Variants in LNX2 observed in about 807,000 individuals in gnomAD.
The protein encoded by LNX2 is ligand of numb-protein X 2, also known as ligand of Numb protein X 2.
In LNX2, 35 loss-of-function variants were observed where a neutral mutation model predicts 66.2. The observed-to-expected ratio is 0.53, with a 90% CI of 0.40 to 0.70. The LOEUF is 0.70. Ranked by LOEUF, LNX2 falls within the 30% of genes least tolerant of loss-of-function variation. LNX2 has a pLI of 0.00. For synonymous variants in LNX2, 337 were observed against 315.6 expected (o/e 1.07, Z -0.72); for missense variants, 791 against 850.8 (o/e 0.93, Z 0.87).
At chr13:27,585,462 A>T (rs1268209136) in intron 1 of LNX2, among the ~76,000 whole-genome samples, 2 of 151,554 alleles carry the variant, frequency 1.3e-5, no homozygotes, top group Non-Finnish European at 2.9e-5. Flanking sequence ...ATATATAAAA[A>T]TAATAAAAAA....
At chr13:27,583,131 T>C (rs1348150303) in intron 1 of LNX2, among the ~76,000 whole-genome samples, 1 of 151,144 alleles carries the variant, frequency 6.6e-6, no homozygotes, top group Non-Finnish European at 1.5e-5. Flanking sequence ...CCTCATAGTA[T>C]TCCATACTTC....
At chr13:27,603,018 T>C (rs1955675868) in intron 1 of LNX2, among the ~76,000 whole-genome samples, 1 of 152,176 alleles carries the variant, frequency 6.6e-6, no homozygotes, top group African/African-American at 2.4e-5. Flanking sequence ...TTTTTTCTAC[T>C]TTCAAGAAGT....
At chr13:27,584,897 CA>C (rs1321829831) in intron 1 of LNX2, among the ~76,000 whole-genome samples, 3 of 151,186 alleles carry the variant, frequency 2.0e-5, no homozygotes, top group Admixed American at 6.6e-5. Context: ...GCAGGTAGAT[CA>C]ACTGAGGTCA....
At chr13:27,565,975 C>T (rs750211461) in intron 4 of LNX2, among the ~76,000 whole-genome samples, 1 of 152,068 alleles carries the variant, frequency 6.6e-6, no homozygotes, top group Non-Finnish European at 1.5e-5. Flanking sequence ...TGGCTATTCC[C>T]AACAGCATCT....
At chr13:27,567,112 G>C (rs913378750) in intron 4 of LNX2, among the ~76,000 whole-genome samples, 20 of 152,266 alleles carry the variant, frequency 1.3e-4, no homozygotes, top group African/African-American at 4.6e-4. Context: ...TGAGGAGAGT[G>C]CATTAGGGAG....
chr13:27,572,702 C>A (rs1169179295), intron 2 of LNX2, among the ~76,000 whole-genome samples: 1 of 152,164 alleles, frequency 6.6e-6, no homozygotes, highest in Non-Finnish European at 1.5e-5. Context: ...CTGATAACAA[C>A]TGCATATGAG....
rs185706700 is a variant in LNX2, at chr13:27,566,114, C to G, written c.855+1526G>C. On this transcript the variant is annotated intron_variant, in intron 4 of 9. Transcript: ENST00000316334. The stretch of plus-strand genomic sequence containing the variant: ...AATTACCTTAGATCATGCCTACATA[C>G]GTAAAATGTTCAAACAATTCTCTGT... Among the ~76,000 whole-genome samples the G allele has an allele frequency of 7.2e-5, 11 of 152,204 alleles. No individual in the cohort carries two copies. In the South Asian group the frequency reaches 2.3e-3, roughly 32 times the overall value.
upstream of LNX2, chr13:27,621,044 G>A (rs1411224768): frequency 1.3e-5 from 2 of 153,246 alleles, no homozygotes; most frequent in African/African-American, 4.8e-5. Context: ...CGCACCTGAG[G>A]GAGCACAGCG....
intron 1 of LNX2, among the ~76,000 whole-genome samples, chr13:27,616,630 G>A (rs1428842715): frequency 6.6e-6 from 1 of 152,218 alleles, no homozygotes; most frequent in African/African-American, 2.4e-5. Context: ...TAGCAAAATA[G>A]ATAGGATCCC....
chr13:27,574,853 T>C (rs561196239), intron 2 of LNX2, among the ~76,000 whole-genome samples: 2 of 152,278 alleles, frequency 1.3e-5, no homozygotes, highest in South Asian at 2.1e-4. Flanking sequence ...CTCAATAGTA[T>C]CTGCTGATTT....
At chr13:27,586,781 A>T (rs1372348783) in intron 1 of LNX2, among the ~76,000 whole-genome samples, 1 of 152,254 alleles carries the variant, frequency 6.6e-6, no homozygotes, top group Non-Finnish European at 1.5e-5. Context: ...CTAACTGTAT[A>T]ATCTATTTAA....
chr13:27,574,420 A>G (rs143975720), intron 2 of LNX2, among the ~76,000 whole-genome samples: 348 of 140,968 alleles, frequency 2.5e-3, no homozygotes, highest in African/African-American at 9.1e-3. Context: ...CTCCAAAAAA[A>G]CAAAACAGAA....
At chr13:27,619,825 C>G (rs1955872848) in intron 1 of LNX2, among the ~76,000 whole-genome samples, 1 of 152,068 alleles carries the variant, frequency 6.6e-6, no homozygotes, top group African/African-American at 2.4e-5. Context: ...TTTAAATTAC[C>G]CCCTGGAAGA....
rs1262300083 is a variant in LNX2 at position 27,546,728 on chromosome 13, A to G, written c.*1607T>C. On this transcript the variant is annotated 3_prime_UTR_variant, in exon 10 of 10. Transcript: ENST00000316334. ...AATACATTCTCTGATTATCAATACCATTTATTACAGAGGTCACTTGTAAAT... is the reference window on the plus strand; with the variant it reads ...AATACATTCTCTGATTATCAATACCGTTTATTACAGAGGTCACTTGTAAAT... The G allele has an allele frequency of 6.6e-6, 1 of 152,160 alleles. No homozygotes were observed. The highest frequency in any genetic ancestry group is 1.9e-4 in the East Asian group (1 of 5,204). 9.4% of individuals were successfully genotyped at this position (152,160 alleles called of 1,614,324 possible). A position where few individuals can be genotyped will look rare whatever the true frequency, so the allele number is the denominator to read the frequency against.
intron 1 of LNX2, among the ~76,000 whole-genome samples, chr13:27,582,993 C>T (rs952426698): frequency 1.3e-5 from 2 of 152,072 alleles, no homozygotes; most frequent in Admixed American, 6.6e-5. Flanking sequence ...TAGAAAGATA[C>T]ATCTGCATAG....
intron 2 of LNX2, among the ~76,000 whole-genome samples, chr13:27,573,216 G>A (rs769685321): frequency 3.9e-5 from 6 of 152,164 alleles, no homozygotes; most frequent in Non-Finnish European, 7.3e-5. Context: ...CAGGAGGCTG[G>A]CAGACACTGG....
At chr13:27,582,766 A>G (rs1226167435) in intron 1 of LNX2, among the ~76,000 whole-genome samples, 1 of 152,154 alleles carries the variant, frequency 6.6e-6, no homozygotes, top group Non-Finnish European at 1.5e-5. Context: ...GGGGAGGGAT[A>G]GCATTAGGAG....
intron 1 of LNX2, among the ~76,000 whole-genome samples, chr13:27,583,114 A>G (rs544512515): frequency 6.7e-6 from 1 of 150,070 alleles, no homozygotes; most frequent in African/African-American, 2.4e-5. Flanking sequence ...TATACATTTC[A>G]ATTTCACCTC....
At chr13:27,586,366 A>G (rs1220166106) in intron 1 of LNX2, among the ~76,000 whole-genome samples, 1 of 152,128 alleles carries the variant, frequency 6.6e-6, no homozygotes, top group Non-Finnish European at 1.5e-5. Context: ...GGAAGGAGAA[A>G]GGCATCCTGA....
Sources: allele counts gnomAD v4.1 joint callset (sites outside exome capture counted in the v4.1 genomes callset), GRCh38; gene constraint gnomAD v4.1.1; transcripts MANE v1.5; gene names NCBI Gene and HGNC (gene_info 2026-07-23, HGNC 2026-07-21).